Variants in NXPE3 observed in about 807,000 individuals in gnomAD.
NXPE3 encodes neurexophilin and PC-esterase domain family member 3, also known as NXPE family member 3.
A neutral mutation model predicts 46.1 loss-of-function variants in NXPE3; 26 were observed. The ratio of observed to expected loss-of-function variants is 0.56; its 90% CI spans 0.41 to 0.78. The LOEUF (loss-of-function observed/expected upper bound fraction) is 0.78. Among genes scored for constraint, NXPE3 ranks in the 30% least tolerant of loss-of-function variants. NXPE3 has a pLI of 0.00. For synonymous variants in NXPE3, 272 were observed against 257.9 expected (o/e 1.05, Z -0.52); for missense variants, 620 against 686.0 (o/e 0.90, Z 1.07).
At chr3:101,803,543 C>G (rs1385416654) in intron 5 of NXPE3, among the ~76,000 whole-genome samples, 1 of 152,182 alleles carries the variant, frequency 6.6e-6, no homozygotes, top group African/African-American at 2.4e-5. Flanking sequence ...TTATTAGTGA[C>G]TGAGCAGATT....
At chr3:101,789,263 GC>G in intron 4 of NXPE3, among the ~76,000 whole-genome samples, 1 of 152,240 alleles carries the variant, frequency 6.6e-6, no homozygotes, top group East Asian at 1.9e-4. Context: ...CTTCTACAAG[GC>G]TGGGTGTGGT....
At chr3:101,809,044 C>T (rs1941589136) in intron 6 of NXPE3, among the ~76,000 whole-genome samples, 1 of 151,338 alleles carries the variant, frequency 6.6e-6, no homozygotes, top group Non-Finnish European at 1.5e-5. Context: ...TTGTGATGTC[C>T]CTAGGTGTCC....
intron 3 of NXPE3, among the ~76,000 whole-genome samples, chr3:101,783,003 C>G (rs1939920406): frequency 6.6e-6 from 1 of 151,972 alleles, no homozygotes; most frequent in Non-Finnish European, 1.5e-5. Flanking sequence ...TTAGGACATA[C>G]AGATAAAGGA....
At chr3:101,807,169 T>G (rs1334049104) in intron 6 of NXPE3, 43 bp downstream of exon 6, 1 of 1,462,878 alleles carries the variant, frequency 6.8e-7, no homozygotes, top group Admixed American at 1.7e-5. Context: ...TTTTTCTTAC[T>G]AACTGGGTTG....
Position 101,821,489 on chromosome 3 carries a change from C to T in NXPE3, c.1215C>T (p.Tyr405=). The T allele has an allele frequency of 1.2e-6, 2 of 1,614,174 alleles. No homozygotes were observed. The highest frequency in any genetic ancestry group is 1.7e-6 in the Non-Finnish European group (2 of 1,180,038). The change falls in exon 8 of 8, where the codon TAC becomes TAT. Residue 405 remains tyrosine, a synonymous_variant. Transcript: ENST00000273347. ...AGAAGCACAACATCCTGCTCAAATACCGCTGCCATGGTCCACCCATCCGCT... is the reference window on the plus strand; with the variant it reads ...AGAAGCACAACATCCTGCTCAAATATCGCTGCCATGGTCCACCCATCCGCT... ...VDQKHNILLK[Y]RCHGPPIRFT...
intron 4 of NXPE3, among the ~76,000 whole-genome samples, chr3:101,793,477 G>A (rs1576739686): frequency 6.6e-6 from 1 of 151,584 alleles, no homozygotes; most frequent in Non-Finnish European, 1.5e-5. Flanking sequence ...TTTTAGTTGG[G>A]GTGCTTAGCC....
At position 101,827,124 on chromosome 3, in the gene NXPE3, T is replaced by C. The variant is rs1234138546; in HGVS notation, c.*5170T>C. The C allele has an allele frequency of 6.6e-6, 1 of 152,242 alleles. No homozygotes were observed. The highest frequency in any genetic ancestry group is 1.5e-5 in the Non-Finnish European group (1 of 68,036). The allele number at this position is 152,242 out of a possible 1,614,324, so 9.4% of individuals were successfully genotyped here. A position where few individuals can be genotyped will look rare whatever the true frequency, so the allele number is the denominator to read the frequency against. ...TATATTTTCTTTTTTAATATTCTGG[T>C]TAAATGAGAGGCCATCGGGCCTCTT... On this transcript the variant is annotated 3_prime_UTR_variant, in exon 8 of 8. Coordinates refer to ENST00000273347, the MANE Select transcript of NXPE3 (RefSeq NM_145037.4).
At chr3:101,795,971 A>G (rs1342200565) in intron 4 of NXPE3, among the ~76,000 whole-genome samples, 1 of 152,216 alleles carries the variant, frequency 6.6e-6, no homozygotes, top group Non-Finnish European at 1.5e-5. Flanking sequence ...TTCTCTTGAA[A>G]TGATCTCAAG....
rs368982090 is a variant in NXPE3, at chr3:101,801,400, C to A, written c.259C>A (p.Arg87=). The A allele has an allele frequency of 1.0e-4, 163 of 1,614,078 alleles. No homozygotes were observed. Among genetic ancestry groups the A allele is most frequent in the Non-Finnish European group, 7.7e-5 (91 of 1,180,042 alleles). Reference sequence around the variant, plus strand: ...GGACTCCTTGCTGGCTGCCTTGCACCGGCAGGTTCCTGATGTGGGCCCAGT... The same window carrying A: ...GGACTCCTTGCTGGCTGCCTTGCACAGGCAGGTTCCTGATGTGGGCCCAGT... ...EEDSLLAALH[R]QVPDVGPVPF... is the part of the protein sequence containing the mutation. Residue 87 remains arginine (R), a synonymous_variant, in exon 5 of 8, where the codon CGG becomes AGG. Coordinates refer to ENST00000273347, the MANE Select transcript of NXPE3 (RefSeq NM_145037.4).
intron 5 of NXPE3, among the ~76,000 whole-genome samples, chr3:101,804,267 C>T (rs1941305964): frequency 6.6e-6 from 1 of 152,138 alleles, no homozygotes; most frequent in Non-Finnish European, 1.5e-5. Context: ...TAGTGTAAAA[C>T]TTAAAAGTAT....
intron 3 of NXPE3, among the ~76,000 whole-genome samples, chr3:101,784,353 C>G (rs77514793): frequency 3.3e-5 from 5 of 152,104 alleles, no homozygotes; most frequent in African/African-American, 9.7e-5. Flanking sequence ...TATGGGAACT[C>G]TGAGGATGGA....
At chr3:101,807,915 C>T (rs547339904) in intron 6 of NXPE3, among the ~76,000 whole-genome samples, 1 of 151,744 alleles carries the variant, frequency 6.6e-6, no homozygotes, top group East Asian at 1.9e-4. Flanking sequence ...ATGTTTAAAT[C>T]ATCACAAAAA....
At chr3:101,786,869 C>G (rs1435617293) in intron 4 of NXPE3, among the ~76,000 whole-genome samples, 1 of 152,098 alleles carries the variant, frequency 6.6e-6, no homozygotes, top group Non-Finnish European at 1.5e-5. Context: ...TGCAATCACC[C>G]CACCATCTAT....
chr3:101,799,953 T>G lies in NXPE3; in HGVS notation c.94-1282T>G, dbSNP rs540793532. On this transcript the variant is annotated intron_variant, in intron 4 of 7. Transcript: ENST00000273347. Reference sequence around the variant, plus strand: ...TATTAATAATTTGTGTCCTCCCTCTTTTTTTCTTAGCCTGGGTAGAGGGCT... The same window carrying G: ...TATTAATAATTTGTGTCCTCCCTCTGTTTTTCTTAGCCTGGGTAGAGGGCT... Among the ~76,000 whole-genome samples the G allele has an allele frequency of 3.3e-5, 5 of 152,266 alleles. No homozygotes were observed. The South Asian group carries it at 8.3e-4, about 25-fold the overall frequency.
At position 101,797,874 on chromosome 3, in the gene NXPE3, G is replaced by A. The variant is rs576963235; in HGVS notation, c.94-3361G>A. Among the ~76,000 whole-genome samples, 13 of 49,798 alleles carry A rather than the reference G, an allele frequency of 2.6e-4. No individual in the cohort carries two copies. In the Middle Eastern group the frequency reaches 0.019, roughly 74 times the overall value. The allele number at this position is 49,798 out of a possible 152,430, so 32.7% of individuals were successfully genotyped here. A position where few individuals can be genotyped will look rare whatever the true frequency, so the allele number is the denominator to read the frequency against. The stretch of plus-strand genomic sequence containing the variant: ...AGTCTTTGCTATTGTGAATAATGCC[G>A]CAATAAACATACGTGTGCATGTGTC... On this transcript the variant is annotated intron_variant, in intron 4 of 7. Coordinates refer to ENST00000273347, the MANE Select transcript of NXPE3 (RefSeq NM_145037.4).
rs147554488 is a variant in NXPE3 at position 101,809,617 on chromosome 3, C to G, written c.922+2491C>G. On this transcript the variant is annotated intron_variant, in intron 6 of 7. Transcript: ENST00000273347. The stretch of plus-strand genomic sequence containing the variant: ...GAATTCTTTTGCAAAGAAGAGTTGT[C>G]CCTTCTTCATTTTAAGTATTTATAT... Among the ~76,000 whole-genome samples the G allele has an allele frequency of 2.0e-3, 307 of 152,216 alleles. 1 individual carries two copies. The highest frequency in any genetic ancestry group is 7.2e-3 in the African/African-American group (298 of 41,530).
At chr3:101,808,856 T>TATATACATATATA (rs1941575402) in intron 6 of NXPE3, among the ~76,000 whole-genome samples, 1 of 127,668 alleles carries the variant, frequency 7.8e-6, no homozygotes, top group East Asian at 2.4e-4. Context: ...TATATATATA[T>TATATACATATATA]GAGACATTTA....
At chr3:101,790,861 G>A (rs756261426) in intron 4 of NXPE3, among the ~76,000 whole-genome samples, 2 of 152,210 alleles carry the variant, frequency 1.3e-5, no homozygotes, top group Non-Finnish European at 2.9e-5. Flanking sequence ...CTTCCAAAGT[G>A]CTGGGATTAC....
At chr3:101,802,354 A>C (rs1367462099) in intron 5 of NXPE3, among the ~76,000 whole-genome samples, 3 of 150,812 alleles carry the variant, frequency 2.0e-5, no homozygotes, top group African/African-American at 7.3e-5. Flanking sequence ...GTGGTGACTC[A>C]TGCTTGTAAT....
Sources: gnomAD v4.1 joint callset for allele counts (sites outside exome capture counted in the v4.1 genomes callset) on GRCh38, gnomAD v4.1.1 for gene constraint, MANE v1.5 for transcripts, NCBI Gene and HGNC (gene_info 2026-07-23, HGNC 2026-07-21) for gene names.